Variants in MTNR1A observed in about 807,000 individuals in gnomAD.
MTNR1A encodes the protein melatonin receptor type 1A.
MTNR1A carries 7 observed loss-of-function variants against 5.5 expected under a neutral mutation model. The observed-to-expected ratio is 1.28, with a 90% CI of 0.73 to 2.40. MTNR1A has a LOEUF of 2.40. MTNR1A is among the 30% of genes most tolerant of loss of function. The pLI is 0.00. For missense variants in MTNR1A, 441 were observed against 464.4 expected (o/e 0.95, Z 0.46); for synonymous variants, 196 against 202.7 (o/e 0.97, Z 0.28).
intron 1 of MTNR1A, among the ~76,000 whole-genome samples, chr4:186,535,807 G>C (rs528892166): frequency 6.6e-6 from 1 of 152,178 alleles, no homozygotes; most frequent in East Asian, 1.9e-4. Context: ...GCCTCGAATG[G>C]CTCCTCACAT....
chr4:186,541,708 G>C (rs1047779920), intron 1 of MTNR1A, among the ~76,000 whole-genome samples: 1 of 152,116 alleles, frequency 6.6e-6, no homozygotes, highest in Non-Finnish European at 1.5e-5. Context: ...GAGGGATCTA[G>C]GCTACACCCT....
intron 1 of MTNR1A, among the ~76,000 whole-genome samples, chr4:186,545,704 A>G (rs1737124783): frequency 1.3e-5 from 2 of 152,194 alleles, no homozygotes; most frequent in African/African-American, 4.8e-5. Flanking sequence ...CTGTTCACGA[A>G]GACTAAAAGG....
chr4:186,538,565 TC>T (rs1345212501), intron 1 of MTNR1A, among the ~76,000 whole-genome samples: 1 of 152,106 alleles, frequency 6.6e-6, no homozygotes, highest in Non-Finnish European at 1.5e-5. Flanking sequence ...AGAGCTCCAG[TC>T]CCTCCTCCCA....
intron 1 of MTNR1A, among the ~76,000 whole-genome samples, chr4:186,542,191 G>A (rs1403231118): frequency 6.6e-6 from 1 of 152,154 alleles, no homozygotes; most frequent in African/African-American, 2.4e-5. Flanking sequence ...ACCATTCCCT[G>A]GGAAAATCAG....
chr4:186,552,783 T>C (rs1428956657), intron 1 of MTNR1A, among the ~76,000 whole-genome samples: 2 of 152,240 alleles, frequency 1.3e-5, no homozygotes, highest in African/African-American at 4.8e-5. Flanking sequence ...AATCCTAGCG[T>C]TCCATTGCGG....
intron 1 of MTNR1A, among the ~76,000 whole-genome samples, chr4:186,552,508 C>T (rs1034511094): frequency 3.3e-5 from 5 of 152,142 alleles, no homozygotes; most frequent in Non-Finnish European, 7.4e-5. Context: ...GAAAAATGCA[C>T]GAATCATAGG....
At chr4:186,551,302 C>T (rs1322264483) in intron 1 of MTNR1A, among the ~76,000 whole-genome samples, 1 of 152,120 alleles carries the variant, frequency 6.6e-6, no homozygotes, top group African/African-American at 2.4e-5. Flanking sequence ...AAAGGGAAAA[C>T]TCAGACAATG....
At position 186,534,481 on chromosome 4, in the gene MTNR1A, C is replaced by G; in HGVS notation, c.261G>C (p.Ser87=). The G allele has an allele frequency of 1.2e-6, 2 of 1,614,122 alleles. No individual in the cohort carries two copies. The highest frequency in any genetic ancestry group is 1.7e-6 in the Non-Finnish European group (2 of 1,180,020). ...CCAGGTTCCACCCGTTGTTAAATATCGACATCAGCACCAACGGGTACGGAT... is the reference window on the plus strand; with the variant it reads ...CCAGGTTCCACCCGTTGTTAAATATGGACATCAGCACCAACGGGTACGGAT... The part of the protein sequence containing the change: ...AIYPYPLVLM[S]IFNNGWNLGY... The change falls in exon 2 of 2, where the codon TCG becomes TCC. Residue 87 remains serine, a synonymous_variant. Coordinates refer to ENST00000307161, the MANE Select transcript of MTNR1A (RefSeq NM_005958.4).
chr4:186,540,151 C>G (rs1034700753), intron 1 of MTNR1A, among the ~76,000 whole-genome samples: 1 of 152,152 alleles, frequency 6.6e-6, no homozygotes, highest in Non-Finnish European at 1.5e-5. Flanking sequence ...TTCACTATCT[C>G]GAGAACAGCA....
intron 1 of MTNR1A, among the ~76,000 whole-genome samples, chr4:186,552,280 A>T (rs1737280151): frequency 6.6e-6 from 1 of 152,172 alleles, no homozygotes; most frequent in South Asian, 2.1e-4. Context: ...CTCATAATCT[A>T]CAGGGACCTA....
chr4:186,555,106 C>T lies in MTNR1A; in HGVS notation c.184+76G>A. 1 of 1,451,520 alleles carries T rather than the reference C, an allele frequency of 6.9e-7. No individual in the cohort carries two copies. The highest frequency in any genetic ancestry group is 9.5e-7 in the Non-Finnish European group (1 of 1,057,556). The allele number at this position is 1,451,520 out of a possible 1,614,324, so 89.9% of individuals were successfully genotyped here. A position where few individuals can be genotyped will look rare whatever the true frequency, so the allele number is the denominator to read the frequency against. Reference sequence around the variant, plus strand: ...AGTGTTTAGGAAAAAGAACCAAGTGCTTGGGGAAGGCTGGCTGCCCGCGGA... The same window carrying T: ...AGTGTTTAGGAAAAAGAACCAAGTGTTTGGGGAAGGCTGGCTGCCCGCGGA... On this transcript the variant is annotated intron_variant, in intron 1 of 1. Transcript: ENST00000307161. The surrounding 1 kb of genome is among the most constrained non-coding windows in gnomAD (Gnocchi z 4.1).
At chr4:186,548,810 GATATATATATATATATATATATATAT>G (rs71595106) in intron 1 of MTNR1A, among the ~76,000 whole-genome samples, 2 of 54,592 alleles carry the variant, frequency 3.7e-5, no homozygotes, top group Non-Finnish European at 6.8e-5. Context: ...AATCTATAAA[GATATATATATATATATATATATATAT>G]ATATATATAT....
At chr4:186,553,919 G>A (rs1441438692) in intron 1 of MTNR1A, among the ~76,000 whole-genome samples, 1 of 152,164 alleles carries the variant, frequency 6.6e-6, no homozygotes, top group Non-Finnish European at 1.5e-5. Flanking sequence ...GAATTCAACC[G>A]GGCTCACACC....
intron 1 of MTNR1A, among the ~76,000 whole-genome samples, chr4:186,545,368 T>C (rs113519952): frequency 5.9e-5 from 9 of 152,298 alleles, no homozygotes; most frequent in African/African-American, 1.7e-4. Flanking sequence ...GCTTCCAATA[T>C]TGAGGCAACA....
chr4:186,547,625 ACT>A (rs1263475775), intron 1 of MTNR1A, among the ~76,000 whole-genome samples: 2 of 151,166 alleles, frequency 1.3e-5, no homozygotes, highest in African/African-American at 4.9e-5. Flanking sequence ...TCTCTATCCC[ACT>A]CTGTCTCTAG....
chr4:186,534,679 A>G (rs1479110216), intron 1 of MTNR1A, 122 bp from the exon 2 acceptor site: 2 of 1,206,532 alleles, frequency 1.7e-6, no homozygotes, highest in Non-Finnish European at 2.3e-6. Context: ...CGGCGGCCGC[A>G]CTGCAAATGA....
At chr4:186,550,793 A>G (rs147299984) in intron 1 of MTNR1A, among the ~76,000 whole-genome samples, 1 of 152,352 alleles carries the variant, frequency 6.6e-6, no homozygotes, top group Non-Finnish European at 1.5e-5. Flanking sequence ...GAAAGATCAG[A>G]CAAATTCAAT....
At chr4:186,540,951 C>A (rs151335854) in intron 1 of MTNR1A, among the ~76,000 whole-genome samples, 31 of 152,102 alleles carry the variant, frequency 2.0e-4, no homozygotes, top group Non-Finnish European at 2.6e-4. Context: ...CAAAGTTGCC[C>A]ATCACAGCAT....
rs755528087 is a variant in MTNR1A at position 186,534,151 on chromosome 4, G to C, written c.591C>G (p.Leu197=). ...AGAAGATGACTATGATCATGGGGAC[G>C]AGGAAGTGGAAAACCACCACGGCGA... ...YTIAVVVFHF[L]VPMIIVIFCY... Residue 197 remains leucine (L), a synonymous_variant, in exon 2 of 2, where the codon CTC becomes CTG. Coordinates refer to ENST00000307161, the MANE Select transcript of MTNR1A (RefSeq NM_005958.4). 6 of 1,613,578 alleles carry C rather than the reference G, an allele frequency of 3.7e-6. No homozygotes were observed. The highest frequency in any genetic ancestry group is 2.2e-5 in the East Asian group (1 of 44,880).
Sources: allele counts gnomAD v4.1 joint callset (sites outside exome capture counted in the v4.1 genomes callset), GRCh38; gene constraint gnomAD v4.1.1; non-coding constraint Gnocchi (gnomAD v3.1); transcripts MANE v1.5; gene names NCBI Gene and HGNC (gene_info 2026-07-23, HGNC 2026-07-21).